RAB37: variants seen among roughly 807,000 people sequenced by gnomAD.
RAB37 encodes the protein RAB37, member RAS oncogene family.
RAB37 carries 29 observed loss-of-function variants against 33.1 expected under a neutral mutation model. That is an observed-to-expected ratio of 0.88 (90% CI 0.65 to 1.20). The LOEUF is 1.20. Ranked by LOEUF, RAB37 falls within the 50% of genes most tolerant of loss-of-function variation. The pLI is 0.00. For synonymous variants in RAB37, 128 were observed against 119.5 expected, an observed-to-expected ratio of 1.07 and a Z score of -0.47; for missense variants, 299 against 301.1, an observed-to-expected ratio of 0.99 and a Z score of 0.05.
Position 74,729,234 on chromosome 17 carries a change from T to G in RAB37, c.73-22T>G, listed in dbSNP as rs1414974305. On this transcript the variant is annotated intron_variant, in intron 1 of 7. Transcript: ENST00000340415. This position sits in a 1 kb window ranked among gnomAD's most constrained non-coding sequence, Gnocchi z 4.2. ...AACTCACATCACAGGCCCTCAGCTC[T>G]CTCTCTATTGTTCCCTTCCAGACCA... is the stretch of plus-strand genomic sequence containing the variant. 1.6e-5 allele frequency: 25 copies of G among 1,580,442 alleles called. No individual in the cohort carries two copies. In the South Asian group the frequency reaches 2.4e-4, roughly 15 times the overall value.
intron 1 of RAB37, among the ~76,000 whole-genome samples, chr17:74,689,496 T>C (rs933129138): frequency 6.6e-6 from 1 of 152,132 alleles, no homozygotes; most frequent in Non-Finnish European, 1.5e-5. Flanking sequence ...ATATCTCTTT[T>C]ATGAGTTCCG....
chr17:74,704,693 C>T (rs772156042), intron 1 of RAB37: 2 of 1,614,184 alleles, frequency 1.2e-6, no homozygotes, highest in East Asian at 2.2e-5. Flanking sequence ...CCAAATAGCT[C>T]CTCGACACCA....
chr17:74,705,075 C>A, intron 1 of RAB37: 1 of 631,696 alleles, frequency 1.6e-6, no homozygotes, highest in Non-Finnish European at 2.9e-6. Flanking sequence ...TCCTGCAGTT[C>A]ACCCCTCTCT....
intron 1 of RAB37, among the ~76,000 whole-genome samples, chr17:74,695,513 C>T (rs1438360413): frequency 2.6e-5 from 4 of 152,206 alleles, no homozygotes; most frequent in Middle Eastern, 3.2e-3. Context: ...CTGCTGCCCA[C>T]GTGGGGACTG....
chr17:74,740,404 G>A (rs1197769306), intron 1 of RAB37, among the ~76,000 whole-genome samples: 2 of 152,180 alleles, frequency 1.3e-5, no homozygotes, highest in East Asian at 1.9e-4. Flanking sequence ...ACAGAGGGAC[G>A]GAATCCCTGC....
At chr17:74,684,909 T>C (rs911990787) in intron 1 of RAB37, among the ~76,000 whole-genome samples, 1 of 149,034 alleles carries the variant, frequency 6.7e-6, no homozygotes, top group Non-Finnish European at 1.5e-5. Flanking sequence ...AGATCCATCA[T>C]AGGAATTTTG....
chr17:74,684,511 C>T (rs180943599), intron 1 of RAB37, among the ~76,000 whole-genome samples: 14 of 152,124 alleles, frequency 9.2e-5, no homozygotes, highest in Admixed American at 2.0e-4. Context: ...AAATGGACTG[C>T]GCACGGTGGC....
chr17:74,676,974 A>G lies in RAB37; in HGVS notation c.72+5316A>G, dbSNP rs2031848032. On this transcript the variant is annotated intron_variant, in intron 1 of 7. Coordinates refer to the RAB37 transcript ENST00000340415. This position sits in a 1 kb window ranked among gnomAD's most constrained non-coding sequence, Gnocchi z 4.1. Reference sequence around the variant, plus strand: ...GAGACCAGCTTGGCCAACATGGTGAAACTCGTCTCTACTAAAAATACAAAA... The same window carrying G: ...GAGACCAGCTTGGCCAACATGGTGAGACTCGTCTCTACTAAAAATACAAAA... Among the ~76,000 whole-genome samples the G allele has an allele frequency of 1.3e-5, 2 of 151,978 alleles. No individual in the cohort carries two copies. The highest frequency in any genetic ancestry group is 4.2e-4 in the South Asian group (2 of 4,804).
At chr17:74,685,211 G>A (rs2032030962) in intron 1 of RAB37, among the ~76,000 whole-genome samples, 1 of 151,948 alleles carries the variant, frequency 6.6e-6, no homozygotes, top group Non-Finnish European at 1.5e-5. Flanking sequence ...TTGATATGGA[G>A]TCTTGCTCTG....
chr17:74,686,249 G>C (rs1202430687), intron 1 of RAB37, among the ~76,000 whole-genome samples: 1 of 151,822 alleles, frequency 6.6e-6, no homozygotes. Flanking sequence ...ACGCCACCAT[G>C]CCTGGCTAAT....
At chr17:74,734,606 G>A (rs558209255), upstream of RAB37, among the ~76,000 whole-genome samples, 1 of 152,282 alleles carries the variant, frequency 6.6e-6, no homozygotes, top group African/African-American at 2.4e-5. Flanking sequence ...TACTTTGGGA[G>A]GCTAAGGCAG....
intron 1 of RAB37, among the ~76,000 whole-genome samples, chr17:74,677,146 TC>T (rs1258007364): frequency 4.0e-5 from 6 of 150,980 alleles, no homozygotes; most frequent in African/African-American, 1.5e-4. Context: ...TGAGACTCTG[TC>T]CCCCCACAAA....
At chr17:74,733,495 GATTTGAGGTGT>G (rs1598316099), upstream of RAB37, among the ~76,000 whole-genome samples, 78 of 152,060 alleles carry the variant, frequency 5.1e-4, no homozygotes, top group Middle Eastern at 3.4e-3. Context: ...TGTGTGGTGT[GATTTGAGGTGT>G]GTGTGGTGAG....
chr17:74,716,101 G>C (rs2034161906), intron 1 of RAB37, among the ~76,000 whole-genome samples: 1 of 152,174 alleles, frequency 6.6e-6, no homozygotes, highest in Admixed American at 6.5e-5. Context: ...TGCCTATGGG[G>C]AATACAGGGG....
intron 1 of RAB37, among the ~76,000 whole-genome samples, chr17:74,692,156 G>A (rs573544888): frequency 2.4e-4 from 37 of 151,516 alleles, no homozygotes; most frequent in African/African-American, 6.8e-4. Flanking sequence ...ATGAGCCACC[G>A]CACCCGGCCA....
At chr17:74,708,760 C>CA (rs1442410229) in intron 1 of RAB37, among the ~76,000 whole-genome samples, 5 of 151,812 alleles carry the variant, frequency 3.3e-5, no homozygotes, top group Non-Finnish European at 7.4e-5. Context: ...ACTAAAAATA[C>CA]AAAAAATTAG....
chr17:74,677,855 C>T (rs891363302), intron 1 of RAB37, among the ~76,000 whole-genome samples: 3 of 152,146 alleles, frequency 2.0e-5, no homozygotes, highest in African/African-American at 7.2e-5. Context: ...ACTCTCCAGG[C>T]TTTCCTCTCC....
At chr17:74,716,558 A>G (rs1567805698) in intron 1 of RAB37, among the ~76,000 whole-genome samples, 1 of 152,194 alleles carries the variant, frequency 6.6e-6, no homozygotes, top group Non-Finnish European at 1.5e-5. Context: ...AGGAAAGGTG[A>G]TGCGTTTCTC....
intron 1 of RAB37, chr17:74,704,852 C>A: frequency 6.5e-7 from 1 of 1,534,740 alleles, no homozygotes; most frequent in Non-Finnish European, 8.9e-7. Context: ...TCACCTCCCA[C>A]CCCAAGGGCA....
Sources: gnomAD v4.1 joint callset for allele counts (sites outside exome capture counted in the v4.1 genomes callset) on GRCh38, gnomAD v4.1.1 for gene constraint, Gnocchi (gnomAD v3.1) non-coding constraint, MANE v1.5 for transcripts, NCBI Gene and HGNC (gene_info 2026-07-23, HGNC 2026-07-21) for gene names.